GRIK2: variants seen among roughly 807,000 people sequenced by gnomAD.
GRIK2 encodes the protein glutamate receptor ionotropic, kainate 2.
Under a neutral mutation model 100.3 loss-of-function variants are expected in GRIK2, and 32 were observed. That is an observed-to-expected ratio of 0.32 (90% CI 0.24 to 0.43). The LOEUF is 0.43. GRIK2 is among the 20% of genes least tolerant of loss of function. The pLI, the probability that GRIK2 is intolerant of heterozygous loss-of-function variation, is 1.00. For missense variants in GRIK2, 843 were observed against 1,114.9 expected (o/e 0.76, Z 3.47); for synonymous variants, 417 against 389.4 (o/e 1.07, Z -0.83).
Position 101,916,664 on chromosome 6 carries a change from A to G in GRIK2, c.1749-7937A>G, listed in dbSNP as rs367580760. Among the ~76,000 whole-genome samples the G allele has an allele frequency of 9.9e-5, 15 of 151,716 alleles. No homozygotes were observed. The South Asian group carries it at 2.5e-3, about 25-fold the overall frequency. ...CAGACCTGACTCAAACCTTCTGTGC[A>G]CTTCAGAGATACCTGATTTATACAA... is the stretch of plus-strand genomic sequence containing the variant. On this transcript the variant is annotated intron_variant, in intron 12 of 16. Coordinates refer to ENST00000369134, the MANE Select transcript of GRIK2 (RefSeq NM_021956.5).
At chr6:101,588,689 A>G (rs1342848886) in intron 2 of GRIK2, among the ~76,000 whole-genome samples, 2 of 79,646 alleles carry the variant, frequency 2.5e-5, no homozygotes, top group African/African-American at 1.1e-4. Flanking sequence ...CACACAGAAA[A>G]GAAAGAAAGA....
At chr6:101,590,039 C>T (rs1249063439) in intron 2 of GRIK2, among the ~76,000 whole-genome samples, 1 of 151,956 alleles carries the variant, frequency 6.6e-6, no homozygotes, top group East Asian at 1.9e-4. Context: ...ACTGTATTTT[C>T]CTGTCTATGG....
chr6:102,068,657 C>A lies in GRIK2; in HGVS notation c.*146C>A, dbSNP rs1582818637. 16 of 653,228 alleles carry A rather than the reference C, an allele frequency of 2.4e-5. No individual in the cohort carries two copies. In the South Asian group the frequency reaches 3.2e-4, roughly 13 times the overall value. 40.5% of individuals were successfully genotyped at this position (653,228 alleles called of 1,614,324 possible). A position where few individuals can be genotyped will look rare whatever the true frequency, so the allele number is the denominator to read the frequency against. ...GTCTATGAACTAGAGACTCTGTGAT[C>A]TAAGCAGTTGCAATGATCAGACTTG... On this transcript the variant is annotated 3_prime_UTR_variant, in exon 17 of 17. Transcript: ENST00000369134.
At chr6:101,444,521 G>T (rs922250334) in intron 2 of GRIK2, among the ~76,000 whole-genome samples, 3 of 151,956 alleles carry the variant, frequency 2.0e-5, no homozygotes, top group African/African-American at 7.2e-5. Flanking sequence ...GTGGCTGTTG[G>T]CTTCTAGTTT....
intron 14 of GRIK2, among the ~76,000 whole-genome samples, chr6:101,941,395 A>T (rs1790943118): frequency 6.6e-6 from 1 of 152,132 alleles, no homozygotes; most frequent in African/African-American, 2.4e-5. Flanking sequence ...GCAACAAAGC[A>T]AAATGGAAAA....
rs142037053 is a variant in GRIK2 at position 102,050,546 on chromosome 6, C to T, written c.2312-4784C>T. On this transcript the variant is annotated intron_variant, in intron 15 of 16. Transcript: ENST00000369134. ...CCTGTAATCCCAGCTGCTCGGGAGGCTGAGGTAGGAGAATCACTTGAAACT... is the reference window on the plus strand; with the variant it reads ...CCTGTAATCCCAGCTGCTCGGGAGGTTGAGGTAGGAGAATCACTTGAAACT... Among the ~76,000 whole-genome samples, 419 of 150,332 alleles carry T rather than the reference C, an allele frequency of 2.8e-3. 1 individual carries two copies. Among genetic ancestry groups the T allele is most frequent in the African/African-American group, 9.7e-3 (396 of 40,948 alleles).
At chr6:101,748,215 G>A (rs72956334) in intron 7 of GRIK2, among the ~76,000 whole-genome samples, 8,140 of 152,214 alleles carry the variant, frequency 0.053, 329 homozygotes, top group Non-Finnish European at 0.085. Flanking sequence ...TCTTATTCTG[G>A]AGGTTGTTAG....
chr6:101,565,489 C>T (rs1218471887), intron 2 of GRIK2, among the ~76,000 whole-genome samples: 1 of 152,000 alleles, frequency 6.6e-6, no homozygotes, highest in Non-Finnish European at 1.5e-5. Context: ...ATTCAGTTCA[C>T]CTGAGTGTAA....
intron 14 of GRIK2, among the ~76,000 whole-genome samples, chr6:101,962,694 A>G (rs1271458620): frequency 6.6e-6 from 1 of 151,934 alleles, no homozygotes; most frequent in African/African-American, 2.4e-5. Context: ...TTTGCTTCAT[A>G]TTTTGGGGTT....
chr6:101,792,484 T>A (rs1272773664), intron 7 of GRIK2, among the ~76,000 whole-genome samples: 1 of 151,866 alleles, frequency 6.6e-6, no homozygotes, highest in African/African-American at 2.4e-5. Flanking sequence ...TTTGGCTGGA[T>A]ATGAAATTCT....
At chr6:101,482,425 G>C (rs2128261745) in intron 2 of GRIK2, among the ~76,000 whole-genome samples, 1 of 152,244 alleles carries the variant, frequency 6.6e-6, no homozygotes, top group East Asian at 1.9e-4. Flanking sequence ...ACACTGGGCA[G>C]TTTGGCTTTC....
intron 2 of GRIK2, among the ~76,000 whole-genome samples, chr6:101,570,876 ATTAAC>A (rs1479736854): frequency 6.6e-6 from 1 of 152,180 alleles, no homozygotes; most frequent in East Asian, 1.9e-4. Flanking sequence ...ATTAATCCTT[ATTAAC>A]TTTTCCGTGA....
chr6:101,606,123 A>C (rs1779427417), intron 2 of GRIK2, among the ~76,000 whole-genome samples: 1 of 151,948 alleles, frequency 6.6e-6, no homozygotes, highest in Non-Finnish European at 1.5e-5. Flanking sequence ...TCACTGGATG[A>C]CTCAGCTAAG....
chr6:101,573,602 G>C (rs1777656013), intron 2 of GRIK2, among the ~76,000 whole-genome samples: 1 of 152,024 alleles, frequency 6.6e-6, no homozygotes, highest in South Asian at 2.1e-4. Flanking sequence ...AATCTCTGGG[G>C]CTCAGCAAAG....
At chr6:101,549,701 C>G (rs571254469) in intron 2 of GRIK2, among the ~76,000 whole-genome samples, 2 of 152,190 alleles carry the variant, frequency 1.3e-5, no homozygotes, top group South Asian at 2.1e-4. Flanking sequence ...TAGGTATCTG[C>G]TCTTTTTTGA....
chr6:101,683,671 A>C (rs1203140734), intron 6 of GRIK2, among the ~76,000 whole-genome samples: 3 of 152,206 alleles, frequency 2.0e-5, no homozygotes, highest in African/African-American at 7.2e-5. Flanking sequence ...AGCCTCAGTT[A>C]ACATCTTCGT....
chr6:101,966,963 A>C (rs1475131629), intron 14 of GRIK2, among the ~76,000 whole-genome samples: 5 of 152,088 alleles, frequency 3.3e-5, no homozygotes, highest in Admixed American at 2.6e-4. Flanking sequence ...ATTCATGATA[A>C]GTAACTCAAT....
intron 2 of GRIK2, among the ~76,000 whole-genome samples, chr6:101,561,744 G>A (rs1030386332): frequency 6.6e-6 from 1 of 152,082 alleles, no homozygotes; most frequent in Admixed American, 6.6e-5. Context: ...ATTGGACTTG[G>A]GTGTTTGGAA....
chr6:101,499,055 G>A (rs902257787), intron 2 of GRIK2, among the ~76,000 whole-genome samples: 3 of 152,000 alleles, frequency 2.0e-5, no homozygotes, highest in African/African-American at 7.3e-5. Flanking sequence ...AATGGTGCTG[G>A]GAAAACTGGC....
Sources: allele counts gnomAD v4.1 joint callset (sites outside exome capture counted in the v4.1 genomes callset), GRCh38; gene constraint gnomAD v4.1.1; transcripts MANE v1.5; gene names NCBI Gene and HGNC (gene_info 2026-07-23, HGNC 2026-07-21).